Variants in TENM3 observed in about 807,000 individuals in gnomAD.
TENM3 encodes the protein teneurin transmembrane protein 3.
In TENM3, 63 loss-of-function variants were observed where a neutral mutation model predicts 255.1. The observed-to-expected ratio is 0.25, with a 90% CI of 0.20 to 0.30. The LOEUF (loss-of-function observed/expected upper bound fraction) is 0.30, where lower values mean the gene tolerates loss of function less well. TENM3 is among the 10% of genes least tolerant of loss of function. The pLI is 1.00. For synonymous variants in TENM3, 1,306 were observed against 1,322.3 expected (o/e 0.99, Z 0.27); for missense variants, 2,929 against 3,461.1 (o/e 0.85, Z 3.86).
the TENM3 span, among the ~76,000 whole-genome samples, chr4:181,860,984 G>A: frequency 1.3e-5 from 2 of 152,022 alleles, no homozygotes; most frequent in Non-Finnish European, 2.9e-5. Flanking sequence ...CACAAACAGG[G>A]GTTGATATCG....
chr4:181,501,587 C>A, the TENM3 span, among the ~76,000 whole-genome samples: 11 of 151,944 alleles, frequency 7.2e-5, no homozygotes, highest in African/African-American at 2.7e-4. Context: ...ACTAGGTTGG[C>A]CAGGCTGCTC....
the TENM3 span, among the ~76,000 whole-genome samples, chr4:181,936,116 A>G: frequency 6.6e-6 from 1 of 152,100 alleles, no homozygotes; most frequent in East Asian, 1.9e-4. Flanking sequence ...TCAGGGCTGG[A>G]TGCAGTGGCT....
At chr4:181,735,478 T>C in the TENM3 span, among the ~76,000 whole-genome samples, 1 of 152,228 alleles carries the variant, frequency 6.6e-6, no homozygotes, top group East Asian at 1.9e-4. Flanking sequence ...CTTACTGTAA[T>C]GCTGCATCAA....
rs62339129 is a variant in TENM3 at position 182,621,721 on chromosome 4, T to A, written c.750-6930T>A. ...TATATATAAAATATATAATATATAT[T>A]ATATATAAAATATATAATATATAAT... On this transcript the variant is annotated intron_variant, in intron 4 of 27. Coordinates refer to ENST00000511685, the MANE Select transcript of TENM3 (RefSeq NM_001080477.4). Among the ~76,000 whole-genome samples, 58 of 70,450 alleles carry A rather than the reference T, an allele frequency of 8.2e-4. 4 individuals carry two copies. Among genetic ancestry groups the A allele is most frequent in the African/African-American group, 2.6e-3 (55 of 21,174 alleles). 46.2% of individuals were successfully genotyped at this position (70,450 alleles called of 152,430 possible). A position where few individuals can be genotyped will look rare whatever the true frequency, so the allele number is the denominator to read the frequency against.
the TENM3 span, among the ~76,000 whole-genome samples, chr4:181,603,338 G>A: frequency 4.6e-5 from 7 of 152,040 alleles, no homozygotes; most frequent in Non-Finnish European, 1.0e-4. Context: ...ATGGAAGTGC[G>A]GTGATGGGTA....
chr4:181,462,313 C>T, the TENM3 span, among the ~76,000 whole-genome samples: 8 of 152,222 alleles, frequency 5.3e-5, no homozygotes, highest in East Asian at 1.4e-3. Flanking sequence ...TTGCCGACCT[C>T]CAGAGTCCTT....
At chr4:181,893,870 T>C in the TENM3 span, among the ~76,000 whole-genome samples, 10 of 152,176 alleles carry the variant, frequency 6.6e-5, no homozygotes, top group Non-Finnish European at 1.2e-4. Context: ...ATTTTTTCTA[T>C]CCATTTAAAA....
chr4:182,777,511 ATGTGTGTGTGTG>A (rs150202066), intron 24 of TENM3, among the ~76,000 whole-genome samples: 8 of 99,898 alleles, frequency 8.0e-5, no homozygotes, highest in East Asian at 3.2e-4. Context: ...TAATGTGTTT[ATGTGTGTGTGTG>A]TGTGTGTGTG....
At chr4:182,427,629 CTT>C (rs1771323894) in intron 3 of TENM3, among the ~76,000 whole-genome samples, 1 of 152,186 alleles carries the variant, frequency 6.6e-6, no homozygotes. Flanking sequence ...ATAAATACCA[CTT>C]TGTGCTAAAA....
intron 3 of TENM3, among the ~76,000 whole-genome samples, chr4:182,528,857 A>G (rs1343503426): frequency 6.6e-6 from 1 of 152,252 alleles, no homozygotes; most frequent in Non-Finnish European, 1.5e-5. Context: ...GTGTTGGGCC[A>G]CATTCACAGC....
chr4:182,094,620 A>T, the TENM3 span, among the ~76,000 whole-genome samples: 3 of 152,210 alleles, frequency 2.0e-5, no homozygotes, highest in East Asian at 5.8e-4. Flanking sequence ...TTGAGGTCAA[A>T]TCTCATACAA....
chr4:182,780,088 T>G (rs1765044742), intron 24 of TENM3, among the ~76,000 whole-genome samples: 2 of 152,074 alleles, frequency 1.3e-5, no homozygotes, highest in African/African-American at 4.8e-5. Context: ...TTTTGGCTTT[T>G]GTTGCCATTG....
In TENM3 at chr4:182,291,685, G is replaced by C. The variant is rs72698069; in HGVS notation, c.-75-32261G>C. Among the ~76,000 whole-genome samples the C allele has an allele frequency of 8.6e-3, 1,308 of 152,262 alleles. 12 individuals are homozygous for C. Among genetic ancestry groups the C allele is most frequent in the Non-Finnish European group, 0.012 (799 of 68,030 alleles). On this transcript the variant is annotated intron_variant, in intron 1 of 27. Transcript: ENST00000511685. ...AGAGCCATCACAGAAACGAAAGCCA[G>C]CTTGACTTCCGAGTATGCATGCGTC...
chr4:181,473,886 TA>T, the TENM3 span, among the ~76,000 whole-genome samples: 11 of 146,756 alleles, frequency 7.5e-5, no homozygotes, highest in East Asian at 2.4e-3. Flanking sequence ...ACTGTATATA[TA>T]AATATACTGT....
the TENM3 span, among the ~76,000 whole-genome samples, chr4:181,903,420 G>A: frequency 6.6e-6 from 1 of 152,272 alleles, no homozygotes; most frequent in South Asian, 2.1e-4. Flanking sequence ...CAGTTCAACA[G>A]CTGATGCCTT....
At chr4:181,588,081 C>T in the TENM3 span, among the ~76,000 whole-genome samples, 1 of 152,132 alleles carries the variant, frequency 6.6e-6, no homozygotes, top group Admixed American at 6.5e-5. Context: ...CAGGCAGGGG[C>T]ATGCGCTTTT....
At chr4:182,163,289 T>G (rs1005168288) in intron 1 of TENM3, among the ~76,000 whole-genome samples, 1 of 152,082 alleles carries the variant, frequency 6.6e-6, no homozygotes, top group Admixed American at 6.5e-5. Flanking sequence ...AGAGTTTGCC[T>G]CCTAAAATCC....
chr4:182,104,970 G>A, the TENM3 span, among the ~76,000 whole-genome samples: 6 of 152,106 alleles, frequency 3.9e-5, no homozygotes, highest in Non-Finnish European at 5.9e-5. Context: ...CCAGCACTTC[G>A]GAAGGTGGAG....
chr4:182,492,966 C>T (rs1156973583), intron 3 of TENM3, among the ~76,000 whole-genome samples: 1 of 151,516 alleles, frequency 6.6e-6, no homozygotes, highest in Non-Finnish European at 1.5e-5. Context: ...AGCATCTTTT[C>T]AAGAAGTGAA....
Sources: gnomAD v4.1 joint callset for allele counts (sites outside exome capture counted in the v4.1 genomes callset) on GRCh38, gnomAD v4.1.1 for gene constraint, MANE v1.5 for transcripts, NCBI Gene and HGNC (gene_info 2026-07-23, HGNC 2026-07-21) for gene names.